GPC5: variants seen among roughly 807,000 people sequenced by gnomAD.
GPC5 encodes glypican 5.
Under a neutral mutation model 53.9 loss-of-function variants are expected in GPC5, and 47 were observed. That is an observed-to-expected ratio of 0.87 (90% CI 0.69 to 1.11). The LOEUF (loss-of-function observed/expected upper bound fraction) is 1.11. Among genes scored for constraint, GPC5 ranks in the 50% most tolerant of loss-of-function variants. The pLI is 0.00. For missense variants in GPC5, 748 were observed against 713.1 expected, an observed-to-expected ratio of 1.05 and a Z score of -0.56; for synonymous variants, 286 against 263.3, an observed-to-expected ratio of 1.09 and a Z score of -0.84.
At chr13:92,165,808 A>T (rs752527465) in intron 7 of GPC5, among the ~76,000 whole-genome samples, 1 of 152,212 alleles carries the variant, frequency 6.6e-6, no homozygotes, top group Non-Finnish European at 1.5e-5. Flanking sequence ...TGTTCTGGAT[A>T]TATCCATGTA....
chr13:92,036,859 A>G (rs183969740), intron 6 of GPC5, among the ~76,000 whole-genome samples: 3 of 152,264 alleles, frequency 2.0e-5, no homozygotes, highest in Admixed American at 2.0e-4. Flanking sequence ...GTATATAACC[A>G]CCATCCAGTA....
intron 2 of GPC5, among the ~76,000 whole-genome samples, chr13:91,617,375 G>A (rs2033726057): frequency 6.6e-6 from 1 of 152,236 alleles, no homozygotes; most frequent in South Asian, 2.1e-4. Context: ...GTGACCACGG[G>A]AGTCTGGGTG....
chr13:91,802,105 T>G (rs553324794), intron 5 of GPC5, among the ~76,000 whole-genome samples: 7 of 152,348 alleles, frequency 4.6e-5, no homozygotes, highest in African/African-American at 1.7e-4. Context: ...GTGTCTGGAA[T>G]TGGTTCCTTC....
At chr13:92,583,368 A>G (rs1213624531) in intron 7 of GPC5, among the ~76,000 whole-genome samples, 1 of 152,218 alleles carries the variant, frequency 6.6e-6, no homozygotes, top group Non-Finnish European at 1.5e-5. Context: ...TTGCTATTTA[A>G]ACTGGTAGCT....
At chr13:92,044,243 A>G (rs1464996053) in intron 6 of GPC5, among the ~76,000 whole-genome samples, 1 of 152,216 alleles carries the variant, frequency 6.6e-6, no homozygotes, top group Non-Finnish European at 1.5e-5. Context: ...ATTTAACCAC[A>G]TACAACAGAC....
chr13:92,422,041 G>A (rs1390834203), intron 7 of GPC5, among the ~76,000 whole-genome samples: 1 of 152,078 alleles, frequency 6.6e-6, no homozygotes, highest in East Asian at 1.9e-4. Context: ...AAAACTAAGT[G>A]AGGAGATGTT....
At chr13:91,677,181 G>A (rs1260121830) in intron 2 of GPC5, among the ~76,000 whole-genome samples, 1 of 152,092 alleles carries the variant, frequency 6.6e-6, no homozygotes, top group African/African-American at 2.4e-5. Flanking sequence ...TCAAATGAAA[G>A]AAAAAGGGAA....
chr13:92,506,344 A>T (rs1228617423), intron 7 of GPC5, among the ~76,000 whole-genome samples: 2 of 152,164 alleles, frequency 1.3e-5, no homozygotes, highest in Non-Finnish European at 2.9e-5. Context: ...CAGAAATTAA[A>T]ATTTCAAAAT....
chr13:91,591,447 G>T (rs1049748740), intron 2 of GPC5, among the ~76,000 whole-genome samples: 4 of 151,980 alleles, frequency 2.6e-5, no homozygotes, highest in African/African-American at 9.7e-5. Context: ...TTTCTAGCCG[G>T]GGTTCTTGGT....
rs1392656664 is a variant in GPC5, at chr13:91,869,622, A to C, written c.1281-38315A>C. Reference sequence around the variant, plus strand: ...ATGGCCTCTTTATCTAAACAATGAAATCCAAGTGCTTATTTGATTTCATAA... The same window carrying C: ...ATGGCCTCTTTATCTAAACAATGAACTCCAAGTGCTTATTTGATTTCATAA... On this transcript the variant is annotated intron_variant, in intron 5 of 7. Transcript: ENST00000377067. Among the ~76,000 whole-genome samples the C allele has an allele frequency of 2.0e-5, 3 of 152,156 alleles. No homozygotes were observed. In the South Asian group the frequency reaches 6.2e-4, roughly 32 times the overall value.
chr13:92,818,827 G>A (rs1877575761), intron 7 of GPC5, among the ~76,000 whole-genome samples: 1 of 151,902 alleles, frequency 6.6e-6, no homozygotes, highest in South Asian at 2.1e-4. Context: ...TGGAAAAAAG[G>A]AAAGATTGAT....
chr13:92,704,454 G>A (rs1887873690), intron 7 of GPC5, among the ~76,000 whole-genome samples: 1 of 151,788 alleles, frequency 6.6e-6, no homozygotes, highest in Non-Finnish European at 1.5e-5. Flanking sequence ...TTTATCTCTA[G>A]GCTTTTAGCC....
At chr13:92,058,118 T>C (rs1443238856) in intron 6 of GPC5, among the ~76,000 whole-genome samples, 1 of 152,228 alleles carries the variant, frequency 6.6e-6, no homozygotes, top group East Asian at 1.9e-4. Context: ...TCTGGGATGA[T>C]TAGAAGACAA....
chr13:91,596,234 A>C (rs2032990611), intron 2 of GPC5, among the ~76,000 whole-genome samples: 1 of 152,046 alleles, frequency 6.6e-6, no homozygotes, highest in South Asian at 2.1e-4. Context: ...ATTTTAATCT[A>C]TTGTTGTCTT....
chr13:91,528,566 C>T (rs188704254), intron 2 of GPC5, among the ~76,000 whole-genome samples: 76 of 152,268 alleles, frequency 5.0e-4, no homozygotes, highest in Non-Finnish European at 1.0e-3. Flanking sequence ...TCTTTTGAGC[C>T]CTCAAACTGT....
At chr13:92,737,636 G>T (rs1888971547) in intron 7 of GPC5, among the ~76,000 whole-genome samples, 1 of 150,882 alleles carries the variant, frequency 6.6e-6, no homozygotes, top group African/African-American at 2.4e-5. Flanking sequence ...TTTTACTTAT[G>T]TTTTTGCATC....
intron 6 of GPC5, among the ~76,000 whole-genome samples, chr13:92,001,598 G>GA (rs2040555395): frequency 6.6e-6 from 1 of 151,836 alleles, no homozygotes. Flanking sequence ...ATTTTTAATT[G>GA]AAAAAATGGC....
intron 7 of GPC5, among the ~76,000 whole-genome samples, chr13:92,631,651 C>A (rs1268309099): frequency 6.6e-6 from 1 of 152,066 alleles, no homozygotes; most frequent in Non-Finnish European, 1.5e-5. Flanking sequence ...TTTGCGCCAA[C>A]CTAATAATAA....
In GPC5 at chr13:92,817,426, A is replaced by G. The variant is rs9561165; in HGVS notation, c.1562-48856A>G. 0.026 allele frequency among the ~76,000 whole-genome samples: 3,901 copies of G among 152,064 alleles called. 397 individuals carry two copies. The East Asian group carries it at 0.33, about 13-fold the overall frequency. On this transcript the variant is annotated intron_variant, in intron 7 of 7. Transcript: ENST00000377067. ...TCCTTCACCAAAACTATATGTTACT[A>G]TGACATTAAGACTTAGTACAGCTTT...
Sources: gnomAD v4.1 joint callset for allele counts (sites outside exome capture counted in the v4.1 genomes callset) on GRCh38, gnomAD v4.1.1 for gene constraint, MANE v1.5 for transcripts, NCBI Gene and HGNC (gene_info 2026-07-23, HGNC 2026-07-21) for gene names.